The following KAZN variants were observed in gnomAD, a reference collection of about 807,000 sequenced individuals.
The protein encoded by KAZN is kazrin.
KAZN carries 40 observed loss-of-function variants against 87.4 expected under a neutral mutation model. The ratio of observed to expected loss-of-function variants is 0.46; its 90% CI spans 0.36 to 0.60. The LOEUF is 0.60. Ranked by LOEUF, KAZN falls within the 20% of genes least tolerant of loss-of-function variation. The pLI is 0.00. For missense variants in KAZN, 898 were observed against 1,073.9 expected (o/e 0.84, Z 2.29); for synonymous variants, 466 against 458.3 (o/e 1.02, Z -0.22).
At chr1:15,040,057 AT>A (rs2100290138) in intron 3 of KAZN, among the ~76,000 whole-genome samples, 1 of 152,322 alleles carries the variant, frequency 6.6e-6, no homozygotes, top group South Asian at 2.1e-4. Flanking sequence ...TTAAAACAAT[AT>A]TTTAGTCATT....
chr1:14,913,445 G>T (rs1001349224), intron 1 of KAZN, among the ~76,000 whole-genome samples: 4 of 152,212 alleles, frequency 2.6e-5, no homozygotes, highest in African/African-American at 9.6e-5. Context: ...CCCGAAACCA[G>T]TTCCAAAGAT....
intron 1 of KAZN, among the ~76,000 whole-genome samples, chr1:14,786,957 A>G (rs557191071): frequency 1.3e-5 from 2 of 152,238 alleles, no homozygotes; most frequent in Non-Finnish European, 2.9e-5. Context: ...ATAAGAGTCA[A>G]CATTTTGAAT....
At position 15,080,677 on chromosome 1, in the gene KAZN, A is replaced by G. The variant is rs117642801; in HGVS notation, c.1223-13503A>G. Among the ~76,000 whole-genome samples, 5 of 152,360 alleles carry G rather than the reference A, an allele frequency of 3.3e-5. No homozygotes were observed. In the East Asian group the frequency reaches 9.6e-4, roughly 29 times the overall value. On this transcript the variant is annotated intron_variant, in intron 8 of 14. Transcript: ENST00000376030. ...TTTTTCACATTATCATGAAGTGTTT[A>G]AAAAATGAGAATTCAGCTTTTGGAG...
chr1:14,574,352 C>T (rs1006550062), intron 2 of KAZN, among the ~76,000 whole-genome samples: 2 of 152,188 alleles, frequency 1.3e-5, no homozygotes, highest in African/African-American at 2.4e-5. Context: ...TGTCCCCACG[C>T]AAATCTCATC....
At chr1:14,757,994 C>CA (rs1644616894) in intron 1 of KAZN, among the ~76,000 whole-genome samples, 1 of 152,230 alleles carries the variant, frequency 6.6e-6, no homozygotes, top group South Asian at 2.1e-4. Context: ...TCCAAGTCCA[C>CA]ACACCCTGGA....
chr1:14,351,096 G>A (rs953736810), intron 2 of KAZN: 1 of 152,230 alleles, frequency 6.6e-6, no homozygotes, highest in African/African-American at 2.4e-5. Flanking sequence ...TGGGCTCCAG[G>A]TCCTGAATCC....
intron 1 of KAZN, among the ~76,000 whole-genome samples, chr1:14,885,571 C>T (rs1368667889): frequency 6.6e-6 from 1 of 151,994 alleles, no homozygotes; most frequent in East Asian, 1.9e-4. Context: ...TGGTCTTGAA[C>T]TCCTAGGTTC....
intron 1 of KAZN, among the ~76,000 whole-genome samples, chr1:14,026,467 C>T (rs887276809): frequency 6.6e-6 from 1 of 152,198 alleles, no homozygotes; most frequent in East Asian, 1.9e-4. Context: ...TATTTCACTA[C>T]ATTAATAAAC....
At chr1:14,679,810 A>G (rs896906411) in intron 1 of KAZN, among the ~76,000 whole-genome samples, 3 of 152,196 alleles carry the variant, frequency 2.0e-5, no homozygotes, top group African/African-American at 7.2e-5. Flanking sequence ...GAACCCAGAC[A>G]GTCATGCTCC....
At chr1:14,924,436 C>A (rs1477429973) in intron 1 of KAZN, 6 of 988,016 alleles carry the variant, frequency 6.1e-6, no homozygotes, top group Non-Finnish European at 7.2e-6. Flanking sequence ...CGGCGCCTTC[C>A]TGCGGGGCGG....
At chr1:14,118,018 A>G (rs993611504) in intron 1 of KAZN, among the ~76,000 whole-genome samples, 1 of 152,140 alleles carries the variant, frequency 6.6e-6, no homozygotes, top group Non-Finnish European at 1.5e-5. Flanking sequence ...CTGCCTCTGG[A>G]ACCTAATCCC....
At chr1:14,252,626 C>T (rs989019911) in intron 2 of KAZN, among the ~76,000 whole-genome samples, 2 of 152,206 alleles carry the variant, frequency 1.3e-5, no homozygotes, top group Admixed American at 1.3e-4. Context: ...ACATTCCCTA[C>T]TCCATCCTAT....
intron 1 of KAZN, among the ~76,000 whole-genome samples, chr1:14,878,488 A>G (rs74059641): frequency 0.022 from 3,311 of 152,082 alleles, 121 homozygotes; most frequent in African/African-American, 0.074. Flanking sequence ...CCTCTGATTA[A>G]CTGTGCTGGG....
chr1:14,137,468 A>G (rs1484837396), intron 1 of KAZN, among the ~76,000 whole-genome samples: 3 of 152,178 alleles, frequency 2.0e-5, no homozygotes, highest in Admixed American at 6.5e-5. Flanking sequence ...TGAGGGCTCA[A>G]CACATGAGCT....
At chr1:14,822,091 C>T (rs907480749) in intron 1 of KAZN, among the ~76,000 whole-genome samples, 1 of 152,116 alleles carries the variant, frequency 6.6e-6, no homozygotes, top group Non-Finnish European at 1.5e-5. Flanking sequence ...TCCTGGTTCC[C>T]CACCTCCACA....
At chr1:13,918,858 G>T (rs1004976498) in intron 1 of KAZN, among the ~76,000 whole-genome samples, 1 of 152,114 alleles carries the variant, frequency 6.6e-6, no homozygotes, top group African/African-American at 2.4e-5. Flanking sequence ...TTGAAACAGG[G>T]TCTCAGTCTG....
intron 1 of KAZN, among the ~76,000 whole-genome samples, chr1:13,946,546 C>T (rs1027856968): frequency 6.6e-6 from 1 of 152,130 alleles, no homozygotes; most frequent in Non-Finnish European, 1.5e-5. Context: ...CCAGGGAGTA[C>T]GAGGAAGTTT....
chr1:14,944,775 C>A (rs1273223353), intron 1 of KAZN, among the ~76,000 whole-genome samples: 1 of 152,220 alleles, frequency 6.6e-6, no homozygotes, highest in East Asian at 1.9e-4. Context: ...GAGAAGTGAG[C>A]ACTTGGAAGG....
rs936657371 is a variant in KAZN, at chr1:13,934,200, C to T, written c.91+40444C>T. ...GAGCAAAAGCAACTGCTGCCTCTCT[C>T]TGCCAGATAAGTTGCGACAAAGGGT... On this transcript the variant is annotated intron_variant, in intron 1 of 16. Transcript: ENST00000636203. Among the ~76,000 whole-genome samples, 12 of 152,344 alleles carry T rather than the reference C, an allele frequency of 7.9e-5. No individual in the cohort carries two copies. The East Asian group carries it at 1.4e-3, about 17-fold the overall frequency.
Sources: gnomAD v4.1 joint callset for allele counts (sites outside exome capture counted in the v4.1 genomes callset) on GRCh38, gnomAD v4.1.1 for gene constraint, MANE v1.5 for transcripts, NCBI Gene and HGNC (gene_info 2026-07-23, HGNC 2026-07-21) for gene names.